The following HEG1 variants were observed in gnomAD, a reference collection of about 807,000 sequenced individuals.
HEG1 encodes protein HEG homolog 1.
HEG1 carries 56 observed loss-of-function variants against 125.6 expected under a neutral mutation model. The ratio of observed to expected loss-of-function variants is 0.45; its 90% CI spans 0.36 to 0.56. The LOEUF (loss-of-function observed/expected upper bound fraction) is 0.56, where lower values mean the gene tolerates loss of function less well. Among genes scored for constraint, HEG1 ranks in the 20% least tolerant of loss-of-function variants. The pLI is 0.00. For synonymous variants in HEG1, 644 were observed against 668.5 expected (o/e 0.96, Z 0.57); for missense variants, 1,523 against 1,670.0 (o/e 0.91, Z 1.53).
intron 1 of HEG1, among the ~76,000 whole-genome samples, chr3:125,044,701 A>T (rs1232499736): frequency 6.6e-6 from 1 of 152,212 alleles, no homozygotes; most frequent in African/African-American, 2.4e-5. Flanking sequence ...AAAAATACAG[A>T]AATAGAGAAA....
intron 5 of HEG1, among the ~76,000 whole-genome samples, chr3:125,018,038 A>T (rs926621072): frequency 1.6e-4 from 25 of 152,012 alleles, no homozygotes; most frequent in African/African-American, 2.4e-4. Flanking sequence ...CAAAAAAAAA[A>T]AAATAAATTG....
rs1164429701 is a variant in HEG1, at chr3:125,010,568, T to C, written c.2957-13A>G. 3 of 1,497,946 alleles carry C rather than the reference T, an allele frequency of 2.0e-6. No homozygotes were observed. In the East Asian group the frequency reaches 7.5e-5, roughly 37 times the overall value. The allele number at this position is 1,497,946 out of a possible 1,614,324, so 92.8% of individuals were successfully genotyped here. On this transcript the variant is annotated splice_polypyrimidine_tract_variant and intron_variant, in intron 6 of 16. Transcript: ENST00000311127. ...GCACAGCTGTTGACTACAAACACAT[T>C]CCAGGAGTAAAGCAGTTAACCACAC...
intron 1 of HEG1, among the ~76,000 whole-genome samples, chr3:125,054,857 A>G (rs1937894870): frequency 6.6e-6 from 1 of 152,220 alleles, no homozygotes; most frequent in Non-Finnish European, 1.5e-5. Flanking sequence ...AGTATGTGGC[A>G]TATTTTTCCA....
chr3:125,039,075 A>G (rs933507857), intron 1 of HEG1, among the ~76,000 whole-genome samples: 6 of 152,120 alleles, frequency 3.9e-5, no homozygotes, highest in Non-Finnish European at 7.4e-5. Flanking sequence ...TGAAAATACC[A>G]TCCTTCCCTC....
rs1936939609 is a variant in HEG1, at chr3:124,997,512, A to G, written c.3652+177T>C. Among the ~76,000 whole-genome samples the G allele has an allele frequency of 2.0e-5, 3 of 152,254 alleles. No homozygotes were observed. In the South Asian group the frequency reaches 6.2e-4, roughly 31 times the overall value. On this transcript the variant is annotated intron_variant, in intron 12 of 16. Transcript: ENST00000311127. ...GCATGCACCAGTCAAAGATAATGCT[A>G]TTATTCCAAGGAGATAATGTATTCA...
At chr3:125,004,589 A>G (rs1937044596) in intron 9 of HEG1, among the ~76,000 whole-genome samples, 1 of 152,104 alleles carries the variant, frequency 6.6e-6, no homozygotes, top group African/African-American at 2.4e-5. Flanking sequence ...TCTGGGGCTC[A>G]TGTAATCTTC....
At chr3:125,002,665 A>C (rs1294199044) in intron 9 of HEG1, among the ~76,000 whole-genome samples, 1 of 152,226 alleles carries the variant, frequency 6.6e-6, no homozygotes, top group Non-Finnish European at 1.5e-5. Context: ...GACTCTGCAT[A>C]GTGAACGAGC....
chr3:124,984,810 CA>C (rs1483223243), intron 14 of HEG1, among the ~76,000 whole-genome samples: 8 of 151,722 alleles, frequency 5.3e-5, no homozygotes. Context: ...CAAAAACAAA[CA>C]AAAAACAGAA....
chr3:125,043,338 G>C (rs1194800418), intron 1 of HEG1, among the ~76,000 whole-genome samples: 1 of 152,122 alleles, frequency 6.6e-6, no homozygotes, highest in Non-Finnish European at 1.5e-5. Flanking sequence ...ATGAAGGAGG[G>C]ATACAGCCTA....
chr3:125,000,153 T>C (rs2107695460), intron 11 of HEG1, among the ~76,000 whole-genome samples: 1 of 152,282 alleles, frequency 6.6e-6, no homozygotes, highest in East Asian at 1.9e-4. Flanking sequence ...TGCATAGCTG[T>C]CTTTGTTCTC....
At chr3:125,026,447 A>G (rs1482105330) in intron 3 of HEG1, among the ~76,000 whole-genome samples, 1 of 152,222 alleles carries the variant, frequency 6.6e-6, no homozygotes, top group Non-Finnish European at 1.5e-5. Flanking sequence ...GCTGAGACTT[A>G]AGTGATGAAT....
chr3:125,049,650 C>A (rs527255728), intron 1 of HEG1, among the ~76,000 whole-genome samples: 1 of 152,204 alleles, frequency 6.6e-6, no homozygotes, highest in Non-Finnish European at 1.5e-5. Context: ...AGGCAGTCTA[C>A]TACTCCAGCC....
chr3:125,017,143 C>G (rs1337335206), intron 5 of HEG1, among the ~76,000 whole-genome samples: 2 of 151,904 alleles, frequency 1.3e-5, no homozygotes, highest in African/African-American at 4.8e-5. Flanking sequence ...CAACCTCCAC[C>G]TCACAGGTTC....
At chr3:125,015,791 G>GGA (rs1553778123) in intron 5 of HEG1, among the ~76,000 whole-genome samples, 3,454 of 149,968 alleles carry the variant, frequency 0.023, 64 homozygotes, top group Non-Finnish European at 0.036. Flanking sequence ...TGTACAAAAA[G>GGA]AAAAAAAAAC....
At chr3:124,997,333 T>C (rs1936937344) in intron 12 of HEG1, among the ~76,000 whole-genome samples, 1 of 152,270 alleles carries the variant, frequency 6.6e-6, no homozygotes, top group South Asian at 2.1e-4. Context: ...CCCACGCTTG[T>C]ACTTCCACTT....
chr3:125,014,887 G>A (rs765299868), intron 5 of HEG1: 350 of 1,289,764 alleles, frequency 2.7e-4, no homozygotes, highest in South Asian at 3.9e-4. Flanking sequence ...CGCAGTGTGC[G>A]TTCCCCGTTT....
rs1345339800 is a variant in HEG1, at chr3:124,966,338, A to G, written c.*4314T>C. On this transcript the variant is annotated 3_prime_UTR_variant, in exon 17 of 17. Transcript: ENST00000311127. ...TTTCTGTGAGCAGTTTACACCAGAT[A>G]TGATGGAGTATAACGCTAATGAAGA... 6.6e-6 allele frequency: 1 copy of G among 152,228 alleles called. No individual in the cohort carries two copies. The highest frequency in any genetic ancestry group is 1.5e-5 in the Non-Finnish European group (1 of 68,036). 9.4% of individuals were successfully genotyped at this position (152,228 alleles called of 1,614,324 possible).
chr3:125,030,306 G>A (rs1327198701), intron 1 of HEG1, among the ~76,000 whole-genome samples: 2 of 152,192 alleles, frequency 1.3e-5, no homozygotes. Context: ...TGAAACTTGT[G>A]TGATGTGAAT....
chr3:125,020,681 T>TA, intron 4 of HEG1, 111 bp downstream of exon 4: 1 of 882,148 alleles, frequency 1.1e-6, no homozygotes, highest in Admixed American at 2.8e-5. Context: ...ATAGTGCCAT[T>TA]AAAAAGCACA....
Sources: gnomAD v4.1 joint callset for allele counts (sites outside exome capture counted in the v4.1 genomes callset) on GRCh38, gnomAD v4.1.1 for gene constraint, MANE v1.5 for transcripts, NCBI Gene and HGNC (gene_info 2026-07-23, HGNC 2026-07-21) for gene names.